CDYL: variants seen among roughly 807,000 people sequenced by gnomAD.
CDYL encodes the protein chromodomain Y-like protein.
Under a neutral mutation model 47.3 loss-of-function variants are expected in CDYL, and 8 were observed. The observed-to-expected ratio is 0.17, with a 90% CI of 0.10 to 0.31. CDYL has a LOEUF of 0.31. CDYL is among the 10% of genes least tolerant of loss of function. The pLI, the probability that CDYL is intolerant of heterozygous loss-of-function variation, is 1.00. For missense variants in CDYL, 471 were observed against 701.4 expected, an observed-to-expected ratio of 0.67 and a Z score of 3.71; for synonymous variants, 266 against 265.0, an observed-to-expected ratio of 1.00 and a Z score of -0.04.
At chr6:4,893,270 G>C (rs556159911) in intron 2 of CDYL, among the ~76,000 whole-genome samples, 3 of 152,164 alleles carry the variant, frequency 2.0e-5, no homozygotes, top group African/African-American at 7.2e-5. Context: ...GCGACCTGGC[G>C]CTCCGCTGCC....
intron 1 of CDYL, among the ~76,000 whole-genome samples, chr6:4,886,357 A>C (rs1761899955): frequency 6.6e-6 from 1 of 152,180 alleles, no homozygotes; most frequent in Non-Finnish European, 1.5e-5. Context: ...CAAGCAGTAC[A>C]TGACAGTTCC....
intron 5 of CDYL, among the ~76,000 whole-genome samples, chr6:4,948,339 A>G (rs1003005422): frequency 3.3e-5 from 5 of 152,160 alleles, no homozygotes; most frequent in African/African-American, 9.7e-5. Context: ...AATGCTGCTC[A>G]GGGGTAGAGG....
intron 2 of CDYL, among the ~76,000 whole-genome samples, chr6:4,724,039 C>T (rs928977699): frequency 9.2e-5 from 14 of 152,200 alleles, no homozygotes; most frequent in Non-Finnish European, 1.6e-4. Flanking sequence ...CATCTGTCCC[C>T]TCACTTTTTG....
chr6:4,867,117 G>C (rs370004846), intron 1 of CDYL, among the ~76,000 whole-genome samples: 3 of 151,760 alleles, frequency 2.0e-5, no homozygotes, highest in East Asian at 3.9e-4. Flanking sequence ...TTGTTCATTT[G>C]TTTTAAAATA....
chr6:4,952,416 C>G lies in CDYL; in HGVS notation c.1476+7C>G. 1 of 1,600,724 alleles carries G rather than the reference C, an allele frequency of 6.2e-7. No homozygotes were observed. Among genetic ancestry groups the G allele is most frequent in the Non-Finnish European group, 8.5e-7 (1 of 1,174,572 alleles). On this transcript the variant is annotated splice_region_variant and intron_variant, in intron 6 of 6. Coordinates refer to ENST00000397588, the MANE Select transcript of CDYL (RefSeq NM_004824.4). ...TGCCTCGTGCAATCCAGTTGTATGT[C>G]TAATTGCTTCTGTTACACGTTACTT...
chr6:4,830,322 T>C (rs1760100012), intron 1 of CDYL, among the ~76,000 whole-genome samples: 1 of 152,238 alleles, frequency 6.6e-6, no homozygotes, highest in Non-Finnish European at 1.5e-5. Flanking sequence ...GGTGGACCAC[T>C]AGGAGGATGT....
At chr6:4,935,795 G>A (rs568158656) in intron 3 of CDYL, 24 bp downstream of exon 3, 19 of 1,611,160 alleles carry the variant, frequency 1.2e-5, no homozygotes, top group African/African-American at 9.3e-5. Context: ...TTGGGCTGGC[G>A]TGGGCTTCGC....
At chr6:4,864,316 T>C (rs560322024) in intron 1 of CDYL, among the ~76,000 whole-genome samples, 117 of 152,290 alleles carry the variant, frequency 7.7e-4, no homozygotes, top group South Asian at 2.3e-3. Context: ...AAATGGGAGA[T>C]GGCAGGTATG....
intron 4 of CDYL, among the ~76,000 whole-genome samples, chr6:4,943,219 G>A (rs898203985): frequency 3.3e-4 from 50 of 152,270 alleles, no homozygotes; most frequent in African/African-American, 1.1e-3. Context: ...GGGAAGACAG[G>A]TTGGGGAGCA....
rs573713627 is a variant in CDYL at position 4,807,708 on chromosome 6, A to G, written c.24+30901A>G. ...AGCCTCTACCTCCTGGGCTCAGGCA[A>G]TCCTCCTGCCTCAGCCTCCTGAGTA... On this transcript the variant is annotated intron_variant, in intron 1 of 6. Transcript: ENST00000397588. 2.8e-5 allele frequency among the ~76,000 whole-genome samples: 4 copies of G among 143,714 alleles called. No homozygotes were observed. In the South Asian group the frequency reaches 6.5e-4, roughly 23 times the overall value. The allele number at this position is 143,714 out of a possible 152,430, so 94.3% of individuals were successfully genotyped here.
intron 4 of CDYL, among the ~76,000 whole-genome samples, chr6:4,940,494 C>T (rs1758332183): frequency 6.6e-6 from 1 of 152,100 alleles, no homozygotes; most frequent in Admixed American, 6.6e-5. Context: ...AAAGGAAAAG[C>T]GGGAAGCAAA....
chr6:4,735,913 G>GGC (rs1687746749), intron 3 of CDYL, among the ~76,000 whole-genome samples: 1 of 152,070 alleles, frequency 6.6e-6, no homozygotes, highest in African/African-American at 2.4e-5. Flanking sequence ...GATGGGGGGG[G>GGC]GTGGGATGAG....
At chr6:4,724,347 A>C (rs979574877) in intron 2 of CDYL, 3 of 152,064 alleles carry the variant, frequency 2.0e-5, no homozygotes, top group East Asian at 3.9e-4. Flanking sequence ...CACCATGCCG[A>C]GCCTGTCCCC....
chr6:4,945,292 T>A (rs1175749470), intron 5 of CDYL, among the ~76,000 whole-genome samples: 2 of 152,186 alleles, frequency 1.3e-5, no homozygotes, highest in Admixed American at 6.5e-5. Context: ...CTGTACTACT[T>A]TTATCATCTT....
At chr6:4,827,771 C>T (rs1760020204) in intron 1 of CDYL, among the ~76,000 whole-genome samples, 1 of 152,190 alleles carries the variant, frequency 6.6e-6, no homozygotes, top group Non-Finnish European at 1.5e-5. Context: ...TCTCCTGCCT[C>T]AGCCTCCCGA....
chr6:4,775,025 C>A (rs1024600779), upstream of CDYL, among the ~76,000 whole-genome samples: 4 of 152,160 alleles, frequency 2.6e-5, no homozygotes, highest in Non-Finnish European at 4.4e-5. This position sits in a 1 kb window ranked among gnomAD's most constrained non-coding sequence, Gnocchi z 7.0. Context: ...CTGTGAGACG[C>A]CCCGTGGTTG....
intron 3 of CDYL, among the ~76,000 whole-genome samples, chr6:4,746,498 A>G (rs951616787): frequency 2.0e-5 from 3 of 152,170 alleles, no homozygotes; most frequent in African/African-American, 4.8e-5. Flanking sequence ...GGGCACAACA[A>G]CAGGAATGGA....
rs763422247 is a variant in CDYL at position 4,895,481 on chromosome 6, GTATATATA to G, written c.691+3103_691+3110del. On this transcript the variant is annotated intron_variant, in intron 2 of 6. Transcript: ENST00000397588. ...CATGTATACATATATACGTATATAT[GTATATATA>G]CATGTATACATATATACGTATATAT... Among the ~76,000 whole-genome samples, 3 of 102,920 alleles carry G rather than the reference GTATATATA, an allele frequency of 2.9e-5. 1 individual carries two copies. Among genetic ancestry groups the G allele is most frequent in the African/African-American group, 1.1e-4 (3 of 28,232 alleles). 67.5% of individuals were successfully genotyped at this position (102,920 alleles called of 152,430 possible).
chr6:4,706,622 T>TAA (rs112270001), intron 1 of CDYL, among the ~76,000 whole-genome samples: 1 of 151,664 alleles, frequency 6.6e-6, no homozygotes, highest in African/African-American at 2.4e-5. Flanking sequence ...CCGTCTCTAC[T>TAA]AAAAAAAATT....
Sources: gnomAD v4.1 joint callset for allele counts (sites outside exome capture counted in the v4.1 genomes callset) on GRCh38, gnomAD v4.1.1 for gene constraint, Gnocchi (gnomAD v3.1) non-coding constraint, MANE v1.5 for transcripts, NCBI Gene and HGNC (gene_info 2026-07-23, HGNC 2026-07-21) for gene names.